Variants in NEDD4 observed in about 807,000 individuals in gnomAD.
NEDD4 encodes the protein E3 ubiquitin-protein ligase NEDD4.
A neutral mutation model predicts 144.9 loss-of-function variants in NEDD4; 99 were observed. That is an observed-to-expected ratio of 0.68 (90% confidence interval 0.58 to 0.81). The LOEUF is 0.81. Ranked by LOEUF, NEDD4 falls within the 30% of genes least tolerant of loss-of-function variation. The pLI, the probability that NEDD4 is intolerant of heterozygous loss-of-function variation, is 0.00. For missense variants in NEDD4, 985 were observed against 1,065.9 expected (o/e 0.92, Z 1.06); for synonymous variants, 318 against 350.6 (o/e 0.91, Z 1.04).
chr15:55,953,268 C>A (rs62045206), intron 2 of NEDD4, among the ~76,000 whole-genome samples: 8,997 of 151,880 alleles, frequency 0.059, 387 homozygotes, highest in Admixed American at 0.11. Context: ...GGATTACCCA[C>A]GTGAGCCATA....
At position 55,955,706 on chromosome 15, in the gene NEDD4, G is replaced by A. The variant is rs1458565219; in HGVS notation, c.120-4117C>T. 2.1e-4 allele frequency among the ~76,000 whole-genome samples: 31 copies of A among 150,892 alleles called. 1 individual carries two copies. Among genetic ancestry groups the A allele is most frequent in the African/African-American group, 5.6e-4 (23 of 41,118 alleles). ...TTCTTTTTTTTTTCTTTTCATGTGA[G>A]ATTGGTAATCTGCCCATGTTGTAAC... On this transcript the variant is annotated intron_variant, in intron 2 of 28. Coordinates refer to ENST00000435532, the MANE Select transcript of NEDD4 (RefSeq NM_006154.4).
intron 2 of NEDD4, among the ~76,000 whole-genome samples, chr15:55,959,976 A>T (rs764322380): frequency 3.9e-5 from 6 of 152,216 alleles, no homozygotes; most frequent in Non-Finnish European, 8.8e-5. Flanking sequence ...AGCAGGTCTT[A>T]GTCACCCTTA....
intron 2 of NEDD4, among the ~76,000 whole-genome samples, chr15:55,957,845 CAT>C (rs1198542493): frequency 6.6e-6 from 1 of 152,088 alleles, no homozygotes; most frequent in Non-Finnish European, 1.5e-5. Flanking sequence ...AGCTGGAAAC[CAT>C]CATTCTAAGC....
chr15:55,898,262 G>C (rs1360162292), intron 5 of NEDD4, among the ~76,000 whole-genome samples: 4 of 152,196 alleles, frequency 2.6e-5, no homozygotes, highest in African/African-American at 9.6e-5. Flanking sequence ...TTGGTTGTTA[G>C]ATTTATTGCT....
chr15:55,957,975 G>C (rs371588498), intron 2 of NEDD4, among the ~76,000 whole-genome samples: 1 of 152,130 alleles, frequency 6.6e-6, no homozygotes, highest in South Asian at 2.1e-4. Flanking sequence ...GTCGTGGAGT[G>C]GGGGAAGGGG....
intron 4 of NEDD4, among the ~76,000 whole-genome samples, chr15:55,931,860 A>C (rs966906845): frequency 4.6e-5 from 7 of 152,164 alleles, no homozygotes; most frequent in African/African-American, 1.4e-4. Context: ...ATTTTAGAAC[A>C]TTTTTACCAT....
chr15:55,834,080 A>T lies in NEDD4; in HGVS notation c.2388T>A (p.Asn796Lys). The T allele has an allele frequency of 6.2e-7, 1 of 1,613,732 alleles. No individual in the cohort carries two copies. ...NDWREHTKYK[N>K]GYSANHQVIQ... ...TAACCTGATGATTTGCACTGTAGCCATTTTTATACTTTGTATGTTCCCTCC... is the reference window on the plus strand; with the variant it reads ...TAACCTGATGATTTGCACTGTAGCCTTTTTTATACTTTGTATGTTCCCTCC... Residue 796 changes from asparagine to lysine, a missense_variant, in exon 26 of 29, where the codon AAT becomes AAA. Asn to Lys is a moderately conservative substitution (Grantham distance 94, BLOSUM62 0). Coordinates refer to ENST00000435532, the MANE Select transcript of NEDD4 (RefSeq NM_006154.4).
chr15:55,921,058 G>A (rs1238386929), intron 5 of NEDD4, among the ~76,000 whole-genome samples: 17 of 152,048 alleles, frequency 1.1e-4, no homozygotes, highest in Admixed American at 7.2e-4. Flanking sequence ...AGCTACAAAC[G>A]CGTTAAGTCT....
intron 5 of NEDD4, among the ~76,000 whole-genome samples, chr15:55,892,583 G>T (rs1044309102): frequency 6.6e-6 from 1 of 151,940 alleles, no homozygotes; most frequent in Admixed American, 6.6e-5. Flanking sequence ...TTTTTAAAAA[G>T]TAATTTAAAA....
chr15:55,924,838 T>G (rs1163470400), intron 4 of NEDD4, 139 bp from the exon 5 acceptor site: 1 of 734,054 alleles, frequency 1.4e-6, no homozygotes, highest in East Asian at 2.9e-5. Context: ...GAGGCCGAGG[T>G]GGGTGGATCG....
chr15:55,904,422 C>A (rs2036018677), intron 5 of NEDD4, among the ~76,000 whole-genome samples: 2 of 152,048 alleles, frequency 1.3e-5, no homozygotes, highest in Admixed American at 6.5e-5. Context: ...CCTGTCATAG[C>A]CTCCTGAGTA....
chr15:55,923,627 C>A (rs1445920001), intron 5 of NEDD4, among the ~76,000 whole-genome samples: 2 of 129,386 alleles, frequency 1.5e-5, no homozygotes, highest in Non-Finnish European at 3.2e-5. Flanking sequence ...CACCTGGCGA[C>A]AAAGCGAGAC....
chr15:55,911,611 G>T (rs1462149807), intron 5 of NEDD4, among the ~76,000 whole-genome samples: 2 of 151,600 alleles, frequency 1.3e-5, no homozygotes, highest in Non-Finnish European at 2.9e-5. Context: ...CTCACTGCAA[G>T]CTCTGCCTCC....
intron 9 of NEDD4, among the ~76,000 whole-genome samples, chr15:55,862,145 G>C (rs796574549): frequency 9.9e-5 from 15 of 152,188 alleles, no homozygotes; most frequent in African/African-American, 3.6e-4. Context: ...TGTTTTGGAA[G>C]GATTTGAGAA....
chr15:55,946,417 T>C (rs1377861544), intron 4 of NEDD4, among the ~76,000 whole-genome samples: 1 of 152,170 alleles, frequency 6.6e-6, no homozygotes, highest in East Asian at 1.9e-4. Flanking sequence ...AGAAAGCCAT[T>C]ACATAATGGT....
At chr15:55,889,514 A>C (rs2035496485) in intron 5 of NEDD4, among the ~76,000 whole-genome samples, 1 of 152,184 alleles carries the variant, frequency 6.6e-6, no homozygotes, top group African/African-American at 2.4e-5. Context: ...GTGGGAGCTA[A>C]AAATTAAAAC....
At chr15:55,831,473 T>C (rs2032948155) in intron 27 of NEDD4, among the ~76,000 whole-genome samples, 1 of 152,146 alleles carries the variant, frequency 6.6e-6, no homozygotes, top group Non-Finnish European at 1.5e-5. Flanking sequence ...GGCATTTGTT[T>C]GCCCTGCCTT....
intron 5 of NEDD4, among the ~76,000 whole-genome samples, chr15:55,919,554 C>T (rs1002339739): frequency 6.6e-6 from 1 of 152,054 alleles, no homozygotes; most frequent in Non-Finnish European, 1.5e-5. Flanking sequence ...CATGGGAAAT[C>T]GGGGAACTTG....
In NEDD4 at chr15:55,908,024, G is replaced by A. The variant is rs570675925; in HGVS notation, c.291+16622C>T. On this transcript the variant is annotated intron_variant, in intron 5 of 28. Coordinates refer to ENST00000435532, the MANE Select transcript of NEDD4 (RefSeq NM_006154.4). ...TCATTTAAGAGTGCCACTCTTCCAC[G>A]CAAAGGATGAAGCATCACGTAGCTC... is the stretch of plus-strand genomic sequence containing the variant. Among the ~76,000 whole-genome samples the A allele has an allele frequency of 3.9e-5, 6 of 152,178 alleles. No homozygotes were observed. In the South Asian group the frequency reaches 1.0e-3, roughly 26 times the overall value.
Sources: gnomAD v4.1 joint callset for allele counts (sites outside exome capture counted in the v4.1 genomes callset) on GRCh38, gnomAD v4.1.1 for gene constraint, MANE v1.5 for transcripts, NCBI Gene and HGNC (gene_info 2026-07-23, HGNC 2026-07-21) for gene names.